The following GRIN2A variants were observed in gnomAD, a reference collection of about 807,000 sequenced individuals.
GRIN2A encodes glutamate ionotropic receptor NMDA type subunit 2A.
GRIN2A carries 22 observed loss-of-function variants against 113.4 expected under a neutral mutation model. That is an observed-to-expected ratio of 0.19 (90% CI 0.14 to 0.28). The LOEUF (loss-of-function observed/expected upper bound fraction) is 0.28, where lower values mean the gene tolerates loss of function less well. Among genes scored for constraint, GRIN2A ranks in the 10% least tolerant of loss-of-function variants. The probability of loss-of-function intolerance (pLI) is 1.00; values close to 1 mark genes in which losing one functional copy is unlikely to be tolerated. For missense variants in GRIN2A, 1,502 were observed against 1,887.0 expected (o/e 0.80, Z 3.78); for synonymous variants, 827 against 738.4 (o/e 1.12, Z -1.94).
At chr16:9,841,704 T>C (rs1253820497) in intron 5 of GRIN2A, among the ~76,000 whole-genome samples, 2 of 152,194 alleles carry the variant, frequency 1.3e-5, no homozygotes, top group Non-Finnish European at 2.9e-5. Context: ...CTTCTCTTGA[T>C]AGAGCCAAAT....
At chr16:9,977,143 C>G (rs925034116) in intron 2 of GRIN2A, among the ~76,000 whole-genome samples, 4 of 152,124 alleles carry the variant, frequency 2.6e-5, no homozygotes, top group African/African-American at 9.7e-5. Context: ...AAAAATTAAA[C>G]AAGCCAGGTG....
chr16:9,848,638 A>G (rs1436277326), intron 5 of GRIN2A, among the ~76,000 whole-genome samples: 1 of 146,844 alleles, frequency 6.8e-6, no homozygotes, highest in Non-Finnish European at 1.5e-5. Context: ...ATAAAAACAT[A>G]TGGTGTTTTA....
chr16:10,121,107 G>A (rs140169115), intron 2 of GRIN2A, among the ~76,000 whole-genome samples: 1 of 152,274 alleles, frequency 6.6e-6, no homozygotes, highest in Non-Finnish European at 1.5e-5. Flanking sequence ...GGTCAAAGCA[G>A]CAATCCACAG....
At chr16:9,996,409 G>A (rs142061662) in intron 2 of GRIN2A, among the ~76,000 whole-genome samples, 26 of 152,274 alleles carry the variant, frequency 1.7e-4, no homozygotes, top group Admixed American at 1.6e-3. Flanking sequence ...ACTCAGGCAC[G>A]CATGAAAATT....
chr16:10,131,220 G>A (rs2049054680), intron 2 of GRIN2A, among the ~76,000 whole-genome samples: 3 of 152,154 alleles, frequency 2.0e-5, no homozygotes, highest in African/African-American at 4.8e-5. Flanking sequence ...CGAGGCTAGT[G>A]GAGAACAGGT....
rs1329018991 is a variant in GRIN2A, at chr16:9,761,951, G to C, written c.*1198C>G. The C allele has an allele frequency of 1.5e-5, 3 of 202,708 alleles. No homozygotes were observed. Among genetic ancestry groups the C allele is most frequent in the African/African-American group, 4.6e-5 (2 of 43,670 alleles). 12.6% of individuals were successfully genotyped at this position (202,708 alleles called of 1,614,324 possible). ...GGATACTCAGGGTAGATCCAAGAGT[G>C]CCTCGTGTTTTGAAGGCTTTTGATT... On this transcript the variant is annotated 3_prime_UTR_variant, in exon 13 of 13. Transcript: ENST00000330684.
At chr16:10,108,222 G>A (rs2048534695) in intron 2 of GRIN2A, among the ~76,000 whole-genome samples, 6 of 152,208 alleles carry the variant, frequency 3.9e-5, no homozygotes, top group Admixed American at 3.9e-4. Flanking sequence ...GCAAGAAGGT[G>A]CAAGTCAAGT....
chr16:10,145,350 C>A (rs1309543753), intron 2 of GRIN2A, among the ~76,000 whole-genome samples: 1 of 152,100 alleles, frequency 6.6e-6, no homozygotes, highest in Non-Finnish European at 1.5e-5. Flanking sequence ...ACAACAAAAA[C>A]AAAACAAAGA....
intron 11 of GRIN2A, among the ~76,000 whole-genome samples, chr16:9,795,853 T>C (rs1902952503): frequency 1.3e-5 from 2 of 152,214 alleles, no homozygotes; most frequent in Non-Finnish European, 2.9e-5. Flanking sequence ...TCCTAAAGGA[T>C]TTATACATCT....
intron 3 of GRIN2A, among the ~76,000 whole-genome samples, chr16:9,897,951 G>C (rs2043839243): frequency 6.6e-6 from 1 of 151,146 alleles, no homozygotes; most frequent in Non-Finnish European, 1.5e-5. Context: ...CTGCTTCTAT[G>C]TTGTTGAGGT....
At chr16:9,786,052 T>G (rs1183661631) in intron 11 of GRIN2A, among the ~76,000 whole-genome samples, 1 of 152,194 alleles carries the variant, frequency 6.6e-6, no homozygotes, top group Non-Finnish European at 1.5e-5. Flanking sequence ...AGTTAGTAAT[T>G]TACAGACTAG....
intron 2 of GRIN2A, among the ~76,000 whole-genome samples, chr16:10,017,876 C>T (rs576157179): frequency 6.6e-6 from 1 of 152,290 alleles, no homozygotes; most frequent in South Asian, 2.1e-4. Context: ...ACTGTACTTG[C>T]CCAACCTTAG....
chr16:10,129,052 T>C (rs1364400938), intron 2 of GRIN2A, among the ~76,000 whole-genome samples: 5 of 148,420 alleles, frequency 3.4e-5, no homozygotes, highest in East Asian at 2.0e-4. Flanking sequence ...TGTGCATCAC[T>C]TTTTTTTTTA....
Position 9,833,343 on chromosome 16 carries a change from G to A in GRIN2A, c.1777+762C>T, listed in dbSNP as rs115806774. Among the ~76,000 whole-genome samples, 564 of 152,114 alleles carry A rather than the reference G, an allele frequency of 3.7e-3. 6 individuals carry two copies. The highest frequency in any genetic ancestry group is 0.013 in the African/African-American group (527 of 41,484). ...CCAACAGGAAAATATAACCCTATGG[G>A]GAAATATATCACTTCATAGTTATAT... On this transcript the variant is annotated intron_variant, in intron 8 of 12. Transcript: ENST00000330684.
chr16:9,856,618 C>A (rs1464335612), intron 4 of GRIN2A, among the ~76,000 whole-genome samples: 1 of 141,836 alleles, frequency 7.1e-6, no homozygotes, highest in African/African-American at 2.7e-5. Context: ...GAGTGAGACT[C>A]CATCTCAAAA....
chr16:9,880,434 T>C (rs1484523096), intron 4 of GRIN2A, among the ~76,000 whole-genome samples: 1 of 152,222 alleles, frequency 6.6e-6, no homozygotes, highest in Non-Finnish European at 1.5e-5. Flanking sequence ...ACCTAATAGC[T>C]GCACAAAACT....
At chr16:10,162,136 G>A (rs535485728) in intron 2 of GRIN2A, among the ~76,000 whole-genome samples, 1 of 152,166 alleles carries the variant, frequency 6.6e-6, no homozygotes, top group Non-Finnish European at 1.5e-5. Context: ...AAATTCCTGA[G>A]AAGCATTGAA....
chr16:9,831,520 C>CTTTTTTTT (rs57684819), intron 8 of GRIN2A, among the ~76,000 whole-genome samples: 1 of 129,110 alleles, frequency 7.7e-6, no homozygotes, highest in Non-Finnish European at 1.6e-5. Flanking sequence ...TTTTCTTTTT[C>CTTTTTTTT]TTTTTTTTTT....
At chr16:10,168,096 G>A (rs1000138497) in intron 2 of GRIN2A, among the ~76,000 whole-genome samples, 17 of 152,196 alleles carry the variant, frequency 1.1e-4, no homozygotes, top group Middle Eastern at 6.8e-3. Flanking sequence ...ACCCCATTTC[G>A]AGATCATTGG....
Sources: allele counts gnomAD v4.1 joint callset (sites outside exome capture counted in the v4.1 genomes callset), GRCh38; gene constraint gnomAD v4.1.1; transcripts MANE v1.5; gene names NCBI Gene and HGNC (gene_info 2026-07-23, HGNC 2026-07-21).